SEPTIN10: variants seen among roughly 807,000 people sequenced by gnomAD.
SEPTIN10 encodes septin 10, also known as septin-10.
A neutral mutation model predicts 54.8 loss-of-function variants in SEPTIN10; 66 were observed. The observed-to-expected ratio is 1.21, with a 90% confidence interval of 0.99 to 1.48. The LOEUF is 1.48. Ranked by LOEUF, SEPTIN10 falls within the 40% of genes most tolerant of loss-of-function variation. The probability of loss-of-function intolerance (pLI) is 0.00; values close to 1 mark genes in which losing one functional copy is unlikely to be tolerated. For missense variants in SEPTIN10, 620 were observed against 545.6 expected (o/e 1.14, Z -1.36); for synonymous variants, 161 against 181.0 (o/e 0.89, Z 0.89).
chr2:109,573,547 C>T (rs1014718378), intron 5 of SEPTIN10, among the ~76,000 whole-genome samples: 3 of 152,156 alleles, frequency 2.0e-5, no homozygotes, highest in African/African-American at 7.2e-5. Flanking sequence ...AAAAGTAAAT[C>T]GACCGATGTG....
chr2:109,559,694 C>T (rs893928012), intron 8 of SEPTIN10, among the ~76,000 whole-genome samples: 1 of 152,192 alleles, frequency 6.6e-6, no homozygotes, highest in East Asian at 1.9e-4. Flanking sequence ...ATCAGGTTCA[C>T]ACTCACTCCT....
rs1333395747 is a variant in SEPTIN10 at position 109,567,978 on chromosome 2, T to C, written c.601-2A>G. The C allele has an allele frequency of 1.3e-6, 2 of 1,571,520 alleles. No homozygotes were observed. Among genetic ancestry groups the C allele is most frequent in the Non-Finnish European group, 1.7e-6 (2 of 1,160,658 alleles). Reference sequence around the variant, plus strand: ...GGCAATCACTGGTATAATGTTTACCTATTAAGAATAAAGAAAAACAAAATC... The same window carrying C: ...GGCAATCACTGGTATAATGTTTACCCATTAAGAATAAAGAAAAACAAAATC... On this transcript the variant is annotated splice_acceptor_variant, in intron 5 of 10. Coordinates refer to ENST00000397712, the MANE Select transcript of SEPTIN10 (RefSeq NM_144710.5). LOFTEE classifies it high-confidence loss of function.
intron 9 of SEPTIN10, among the ~76,000 whole-genome samples, chr2:109,551,017 T>C (rs1018278073): frequency 1.3e-5 from 2 of 152,188 alleles, no homozygotes; most frequent in Non-Finnish European, 2.9e-5. Flanking sequence ...TAAACTGTAC[T>C]TTTTCTTAAA....
At chr2:109,545,427 A>T in intron 10 of SEPTIN10, 1 of 1,536,078 alleles carries the variant, frequency 6.5e-7, no homozygotes, top group Non-Finnish European at 8.7e-7. Context: ...CATGCTACTC[A>T]TGGCTGCCCC....
At chr2:109,604,701 G>A (rs1388606478) in intron 1 of SEPTIN10, 1 of 148,402 alleles carries the variant, frequency 6.7e-6, no homozygotes, top group Non-Finnish European at 1.5e-5. Flanking sequence ...CAGCCTGGGT[G>A]ACAGAACGAG....
chr2:109,568,671 C>CCTT (rs34704574), intron 5 of SEPTIN10, among the ~76,000 whole-genome samples: 1 of 2,148 alleles, frequency 4.7e-4, no homozygotes, highest in Middle Eastern at 0.5. Context: ...AACTGAATTG[C>CCTT]CTCAATTCAC....
chr2:109,545,365 T>TA, intron 10 of SEPTIN10: 1 of 1,501,274 alleles, frequency 6.7e-7, no homozygotes, highest in East Asian at 2.5e-5. Context: ...AAAACTTGGG[T>TA]AACTGATTTT....
intron 1 of SEPTIN10, chr2:109,613,090 C>T (rs1301567834): frequency 2.3e-6 from 2 of 886,842 alleles, no homozygotes; most frequent in Admixed American, 2.3e-5. Context: ...GGCCTCCAAA[C>T]GGCGGTGAGA....
chr2:109,610,187 C>G (rs1698950780), intron 1 of SEPTIN10, among the ~76,000 whole-genome samples: 1 of 151,868 alleles, frequency 6.6e-6, no homozygotes, highest in African/African-American at 2.4e-5. Context: ...CTCTCAGGTT[C>G]AAGTGATCCT....
At chr2:109,554,654 C>G (rs1314532287) in intron 8 of SEPTIN10, among the ~76,000 whole-genome samples, 1 of 152,140 alleles carries the variant, frequency 6.6e-6, no homozygotes, top group Non-Finnish European at 1.5e-5. Flanking sequence ...TGGCCATCGC[C>G]GGGAATCAAT....
At chr2:109,548,733 G>A (rs541566603) in intron 9 of SEPTIN10, among the ~76,000 whole-genome samples, 9 of 127,888 alleles carry the variant, frequency 7.0e-5, no homozygotes, top group East Asian at 2.5e-4. Flanking sequence ...CCGAGATAGC[G>A]CCATTGCACT....
intron 2 of SEPTIN10, 112 bp downstream of exon 2, chr2:109,592,939 A>C (rs1046668150): frequency 6.9e-5 from 39 of 561,426 alleles, no homozygotes; most frequent in Non-Finnish European, 8.8e-6. Flanking sequence ...GTTGGAGGTA[A>C]GTACAAACAG....
chr2:109,562,379 C>T (rs993286563), intron 8 of SEPTIN10, among the ~76,000 whole-genome samples: 3 of 151,890 alleles, frequency 2.0e-5, no homozygotes, highest in African/African-American at 7.3e-5. Flanking sequence ...TGCCCCCCTC[C>T]CCCAACTCTC....
At chr2:109,590,166 G>C (rs932353373) in intron 2 of SEPTIN10, among the ~76,000 whole-genome samples, 6 of 151,604 alleles carry the variant, frequency 4.0e-5, no homozygotes, top group Admixed American at 6.6e-5. Flanking sequence ...ACAGACTATT[G>C]AGAGTGGTTA....
At chr2:109,557,009 C>A (rs896870336) in intron 8 of SEPTIN10, among the ~76,000 whole-genome samples, 1 of 151,832 alleles carries the variant, frequency 6.6e-6, no homozygotes, top group African/African-American at 2.4e-5. Flanking sequence ...CATCACACAC[C>A]GGAGCCTGTT....
In SEPTIN10 at chr2:109,564,474, A is replaced by G. The variant is rs1023178029; in HGVS notation, c.920T>C (p.Met307Thr). Residue 307 changes from methionine to threonine, a missense_variant, in exon 8 of 11, where the codon ATG (methionine) becomes ACG (threonine). Transcript: ENST00000397712. ...ATGGGTCTGCTCTCGCAGGTCCTCC[A>G]TATTTGTACAAATGAGCATTTCCCG... is the stretch of plus-strand genomic sequence containing the variant. ...KLREMLICTN[M>T]EDLREQTHTR... 6 of 1,585,690 alleles carry G rather than the reference A, an allele frequency of 3.8e-6. No homozygotes were observed. The highest frequency in any genetic ancestry group is 2.3e-5 in the East Asian group (1 of 44,310).
intron 1 of SEPTIN10, among the ~76,000 whole-genome samples, chr2:109,601,930 T>C (rs1179521463): frequency 5.3e-5 from 8 of 152,190 alleles, no homozygotes; most frequent in African/African-American, 1.7e-4. Flanking sequence ...CAGCAAAGTA[T>C]ATTCAGTCCG....
Position 109,585,838 on chromosome 2 carries a change from T to C in SEPTIN10, c.100A>G (p.Lys34Glu). Reference protein sequence around the residue: ...SSQGSDDEQIKRENIRSLTMS... With the variant: ...SSQGSDDEQIERENIRSLTMS... The stretch of plus-strand genomic sequence containing the variant: ...GTCAACGAACGAATGTTTTCTCTTT[T>C]CTGAAGGAAAATAAAAACAAAAACA... Residue 34 changes from lysine to glutamate, a missense_variant and splice_region_variant, in exon 3 of 11, where the codon AAA (lysine) becomes GAA (glutamate). Physicochemically the swap from Lys to Glu is moderately conservative, Grantham distance 56. Coordinates refer to ENST00000397712, the MANE Select transcript of SEPTIN10 (RefSeq NM_144710.5). 1 of 1,612,150 alleles carries C rather than the reference T, an allele frequency of 6.2e-7. No individual in the cohort carries two copies. The highest frequency in any genetic ancestry group is 8.5e-7 in the Non-Finnish European group (1 of 1,178,970).
Position 109,613,873 on chromosome 2 carries a change from C to G in SEPTIN10, c.-46G>C. On this transcript the variant is annotated 5_prime_UTR_variant, in exon 1 of 11. Coordinates refer to ENST00000397712, the MANE Select transcript of SEPTIN10 (RefSeq NM_144710.5). ...TGAAGCGGCTGTATCAGCCCGGCCC[C>G]GAGCGGCTGGTCCCGGCGACGGCGG... 3 of 1,230,738 alleles carry G rather than the reference C, an allele frequency of 2.4e-6. No homozygotes were observed. The highest frequency in any genetic ancestry group is 2.0e-6 in the Non-Finnish European group (2 of 987,822). 76.2% of individuals were successfully genotyped at this position (1,230,738 alleles called of 1,614,324 possible). A position where few individuals can be genotyped will look rare whatever the true frequency, so the allele number is the denominator to read the frequency against.
Sources: allele counts gnomAD v4.1 joint callset (sites outside exome capture counted in the v4.1 genomes callset), GRCh38; gene constraint gnomAD v4.1.1; transcripts MANE v1.5; gene names NCBI Gene and HGNC (gene_info 2026-07-23, HGNC 2026-07-21).